Variants in PCDHA7 observed in about 807,000 individuals in gnomAD.
PCDHA7 encodes the protein protocadherin alpha 7.
Under a neutral mutation model 57.2 loss-of-function variants are expected in PCDHA7, and 37 were observed. That is an observed-to-expected ratio of 0.65 (90% CI 0.50 to 0.85). The LOEUF (loss-of-function observed/expected upper bound fraction) is 0.85. Ranked by LOEUF, PCDHA7 falls within the 40% of genes least tolerant of loss-of-function variation. The pLI is 0.00. For synonymous variants in PCDHA7, 553 were observed against 558.8 expected (o/e 0.99, Z 0.15); for missense variants, 1,188 against 1,241.8 (o/e 0.96, Z 0.65).
At chr5:140,858,464 T>C in intron 1 of PCDHA7, 6 of 1,523,496 alleles carry the variant, frequency 3.9e-6, no homozygotes, top group South Asian at 1.2e-5. Context: ...CATTTTCCTT[T>C]TGTGCTTTAT....
In PCDHA7 at chr5:140,927,786, A is replaced by G. The variant is rs782728309; in HGVS notation, c.2356-51163A>G. 11 of 1,614,074 alleles carry G rather than the reference A, an allele frequency of 6.8e-6. No homozygotes were observed. The East Asian group carries it at 2.0e-4, about 29-fold the overall frequency. On this transcript the variant is annotated intron_variant, in intron 1 of 3. Transcript: ENST00000525929. ...GTGGGGAGGTGCAAGTAGCTGCTTC[A>G]CTAGGTCCGCCTGAAACGCTCTTGG...
chr5:140,961,438 A>G (rs888082906), intron 1 of PCDHA7, among the ~76,000 whole-genome samples: 2 of 152,194 alleles, frequency 1.3e-5, no homozygotes, highest in South Asian at 4.1e-4. Context: ...AAAATCACCT[A>G]ACTACACTGT....
At chr5:140,918,007 G>C (rs1313004826) in intron 1 of PCDHA7, among the ~76,000 whole-genome samples, 1 of 151,954 alleles carries the variant, frequency 6.6e-6, no homozygotes, top group Non-Finnish European at 1.5e-5. Context: ...TAACAATGTT[G>C]TTTCTTCCTA....
chr5:140,840,181 T>C (rs1398905291), intron 1 of PCDHA7, among the ~76,000 whole-genome samples: 1 of 151,970 alleles, frequency 6.6e-6, no homozygotes, highest in African/African-American at 2.4e-5. Context: ...AAATTTTAAA[T>C]ATGGTAGGCA....
At chr5:140,963,210 C>T (rs1200019403) in intron 1 of PCDHA7, among the ~76,000 whole-genome samples, 1 of 151,742 alleles carries the variant, frequency 6.6e-6, no homozygotes, top group East Asian at 1.9e-4. Flanking sequence ...AAAAAAACCT[C>T]GTGTTTAGAG....
At chr5:141,002,203 G>T (rs2153973237) in intron 3 of PCDHA7, among the ~76,000 whole-genome samples, 1 of 152,296 alleles carries the variant, frequency 6.6e-6, no homozygotes, top group East Asian at 1.9e-4. Flanking sequence ...ATAGTCCCCG[G>T]CTTTAATCAA....
At chr5:140,885,462 G>T (rs890056404) in intron 1 of PCDHA7, among the ~76,000 whole-genome samples, 3 of 152,070 alleles carry the variant, frequency 2.0e-5, no homozygotes, top group African/African-American at 7.2e-5. Context: ...ACCTAATGAT[G>T]GGCAATCACT....
At chr5:140,928,681 TC>T (rs782384924) in intron 1 of PCDHA7, 4 of 1,614,062 alleles carry the variant, frequency 2.5e-6, no homozygotes. Flanking sequence ...TGCCTGGCTT[TC>T]CTACCACATC....
chr5:140,871,226 G>T, intron 1 of PCDHA7: 1 of 1,613,918 alleles, frequency 6.2e-7, no homozygotes, highest in South Asian at 1.1e-5. Flanking sequence ...GTGGTGTCCA[G>T]CCTCCTGGTA....
At chr5:140,878,274 C>A (rs1273765492) in intron 1 of PCDHA7, among the ~76,000 whole-genome samples, 2 of 152,092 alleles carry the variant, frequency 1.3e-5, no homozygotes, top group Non-Finnish European at 2.9e-5. Context: ...TTTAAAATAG[C>A]CTTCTTGATC....
In PCDHA7 at chr5:140,841,673, C is replaced by T; in HGVS notation, c.2355+4935C>T. On this transcript the variant is annotated intron_variant, in intron 1 of 3. Transcript: ENST00000525929. ...CGTGGACAGGCCGCTGCAGGTTTTCCATGTGGACGTGGAGGTGAAGGATGT... is the reference window on the plus strand; with the variant it reads ...CGTGGACAGGCCGCTGCAGGTTTTCTATGTGGACGTGGAGGTGAAGGATGT... 1.2e-6 allele frequency: 2 copies of T among 1,614,024 alleles called. No individual in the cohort carries two copies. The highest frequency in any genetic ancestry group is 1.7e-6 in the Non-Finnish European group (2 of 1,179,944).
At chr5:140,956,953 CTG>C (rs1217178036) in intron 1 of PCDHA7, among the ~76,000 whole-genome samples, 2 of 135,202 alleles carry the variant, frequency 1.5e-5, no homozygotes, top group African/African-American at 2.6e-5. Flanking sequence ...CATTAAAACA[CTG>C]TAATTAATCA....
In PCDHA7 at chr5:140,967,673, C is replaced by T. The variant is rs1563368144; in HGVS notation, c.2356-11276C>T. On this transcript the variant is annotated intron_variant, in intron 1 of 3. Transcript: ENST00000525929. ...CTCCTTGAGCAGCTACACGTCGGAC[C>T]GGGAGAGGCAGCTCTTCAGCATAGA... The T allele has an allele frequency of 2.5e-6, 4 of 1,614,130 alleles. No homozygotes were observed. In the East Asian group the frequency reaches 6.7e-5, roughly 27 times the overall value.
Position 140,968,026 on chromosome 5 carries a change from A to G in PCDHA7, c.2356-10923A>G, listed in dbSNP as rs570318168. 9.3e-6 allele frequency: 15 copies of G among 1,614,066 alleles called. No individual in the cohort carries two copies. In the Admixed American group the frequency reaches 1.8e-4, roughly 20 times the overall value. On this transcript the variant is annotated intron_variant, in intron 1 of 3. Transcript: ENST00000525929. ...TGAATGGCTTTGGAAACTCCTATACACTGGTGGTGAGCGGCCCACTGGACC... is the reference window on the plus strand; with the variant it reads ...TGAATGGCTTTGGAAACTCCTATACGCTGGTGGTGAGCGGCCCACTGGACC...
chr5:140,991,172 G>T (rs2097436221), intron 3 of PCDHA7, among the ~76,000 whole-genome samples: 1 of 152,160 alleles, frequency 6.6e-6, no homozygotes, highest in Non-Finnish European at 1.5e-5. Flanking sequence ...CCATTGTCAA[G>T]CAGGATGCCT....
At chr5:140,841,942 G>C in intron 1 of PCDHA7, 1 of 1,613,920 alleles carries the variant, frequency 6.2e-7, no homozygotes, top group South Asian at 1.1e-5. Flanking sequence ...ACGCTCCTGC[G>C]CACCACTTAT....
rs1320203097 is a variant in PCDHA7 at position 140,848,970 on chromosome 5, G to C, written c.2355+12232G>C. ...TCGGTTTCCACTAGAGGGCGCGTCC[G>C]ATGCAGATATCGGGGAGAACGCCCT... On this transcript the variant is annotated intron_variant, in intron 1 of 3. Transcript: ENST00000525929. 3.7e-5 allele frequency: 60 copies of C among 1,602,546 alleles called. 1 individual carries two copies. The highest frequency in any genetic ancestry group is 5.0e-5 in the Non-Finnish European group (59 of 1,173,282).
intron 1 of PCDHA7, among the ~76,000 whole-genome samples, chr5:140,889,484 A>G (rs2062245315): frequency 6.6e-6 from 1 of 152,158 alleles, no homozygotes; most frequent in Admixed American, 6.5e-5. Context: ...TACTTTCTAC[A>G]GAATCTATAG....
intron 1 of PCDHA7, chr5:140,843,081 C>T (rs2150352051): frequency 1.3e-6 from 2 of 1,595,422 alleles, no homozygotes; most frequent in Admixed American, 1.7e-5. Flanking sequence ...TCTGTGGGCG[C>T]GGGCCACGTG....
Sources: allele counts gnomAD v4.1 joint callset (sites outside exome capture counted in the v4.1 genomes callset), GRCh38; gene constraint gnomAD v4.1.1; transcripts MANE v1.5; gene names NCBI Gene and HGNC (gene_info 2026-07-23, HGNC 2026-07-21).